The following LGSN variants were observed in gnomAD, a reference collection of about 807,000 sequenced individuals.
The protein encoded by LGSN is lengsin.
A neutral mutation model predicts 19.5 loss-of-function variants in LGSN; 21 were observed. That is an observed-to-expected ratio of 1.07 (90% CI 0.76 to 1.55). The LOEUF (loss-of-function observed/expected upper bound fraction) is 1.55, where lower values mean the gene tolerates loss of function less well. Among genes scored for constraint, LGSN ranks in the 40% most tolerant of loss-of-function variants. The probability of loss-of-function intolerance (pLI) is 0.00; values close to 1 mark genes in which losing one functional copy is unlikely to be tolerated. For synonymous variants in LGSN, 257 were observed against 215.6 expected, an observed-to-expected ratio of 1.19 and a Z score of -1.68; for missense variants, 673 against 608.5, an observed-to-expected ratio of 1.11 and a Z score of -1.12.
the LGSN span, among the ~76,000 whole-genome samples, chr6:63,466,194 C>G: frequency 6.6e-6 from 1 of 152,168 alleles, no homozygotes; most frequent in African/African-American, 2.4e-5. Flanking sequence ...GCCACCATGC[C>G]CAGCCAAGAC....
chr6:63,467,529 A>G, the LGSN span, among the ~76,000 whole-genome samples: 55 of 152,296 alleles, frequency 3.6e-4, no homozygotes, highest in East Asian at 5.4e-3. Flanking sequence ...GGTTTCTCCT[A>G]AGGCCTGTCT....
At chr6:63,390,332 G>T in the LGSN span, among the ~76,000 whole-genome samples, 3 of 151,216 alleles carry the variant, frequency 2.0e-5, no homozygotes, top group Non-Finnish European at 4.4e-5. Flanking sequence ...TTTTCACCAT[G>T]TTGGCCAGGC....
At chr6:63,555,700 T>C in the LGSN span, among the ~76,000 whole-genome samples, 3 of 151,442 alleles carry the variant, frequency 2.0e-5, no homozygotes, top group Admixed American at 2.0e-4. Context: ...CTCTTTTTTT[T>C]TTTTTTTTTT....
the LGSN span, among the ~76,000 whole-genome samples, chr6:63,491,848 T>C: frequency 1.3e-5 from 2 of 152,080 alleles, no homozygotes; most frequent in Non-Finnish European, 2.9e-5. Flanking sequence ...CTGGCCATGG[T>C]GAAACCCCGT....
At chr6:63,415,609 C>A in the LGSN span, among the ~76,000 whole-genome samples, 1 of 152,208 alleles carries the variant, frequency 6.6e-6, no homozygotes, top group Non-Finnish European at 1.5e-5. Context: ...CCTGGTCTCT[C>A]CCTTGACTCG....
At chr6:63,376,649 T>C in the LGSN span, among the ~76,000 whole-genome samples, 1 of 152,230 alleles carries the variant, frequency 6.6e-6, no homozygotes, top group Non-Finnish European at 1.5e-5. Flanking sequence ...GACTGCCTCT[T>C]ACCTGAGCCC....
At chr6:63,400,976 A>G in the LGSN span, among the ~76,000 whole-genome samples, 1 of 152,200 alleles carries the variant, frequency 6.6e-6, no homozygotes, top group Non-Finnish European at 1.5e-5. Context: ...CCTGGATGAC[A>G]AGAGCAAGAC....
the LGSN span, among the ~76,000 whole-genome samples, chr6:63,423,211 T>G: frequency 3.9e-5 from 6 of 152,150 alleles, no homozygotes; most frequent in Non-Finnish European, 5.9e-5. Context: ...CCAGGAGCAG[T>G]GGTGCCAATC....
At chr6:63,566,217 C>T in the LGSN span, among the ~76,000 whole-genome samples, 4 of 152,178 alleles carry the variant, frequency 2.6e-5, no homozygotes, top group Non-Finnish European at 4.4e-5. Context: ...TCAAAGAAAG[C>T]AGCTCTAAAT....
the LGSN span, among the ~76,000 whole-genome samples, chr6:63,389,304 C>T: frequency 6.6e-6 from 1 of 152,160 alleles, no homozygotes. Flanking sequence ...AGAAAAGAAG[C>T]TTACCTTACA....
chr6:63,554,137 T>C, the LGSN span, among the ~76,000 whole-genome samples: 1 of 152,210 alleles, frequency 6.6e-6, no homozygotes, highest in South Asian at 2.1e-4. Context: ...GGTAGCCTCC[T>C]CTCAGAGGCA....
the LGSN span, among the ~76,000 whole-genome samples, chr6:63,569,530 C>G: frequency 6.6e-6 from 1 of 152,228 alleles, no homozygotes; most frequent in African/African-American, 2.4e-5. Context: ...TCCCAAAGTA[C>G]TGGGATTACA....
At chr6:63,437,835 C>A in the LGSN span, among the ~76,000 whole-genome samples, 1 of 152,090 alleles carries the variant, frequency 6.6e-6, no homozygotes, top group African/African-American at 2.4e-5. Flanking sequence ...GAGGCTGAGG[C>A]AGGAGAATCC....
chr6:63,550,047 G>C, the LGSN span, among the ~76,000 whole-genome samples: 1 of 152,072 alleles, frequency 6.6e-6, no homozygotes, highest in African/African-American at 2.4e-5. Context: ...TGTTATACGT[G>C]TCATATCACT....
the LGSN span, among the ~76,000 whole-genome samples, chr6:63,340,086 T>A: frequency 6.6e-6 from 1 of 152,286 alleles, no homozygotes; most frequent in South Asian, 2.1e-4. Context: ...GCACTTTGAA[T>A]ATATCAACTC....
chr6:63,357,872 A>T, the LGSN span, among the ~76,000 whole-genome samples: 53 of 152,078 alleles, frequency 3.5e-4, no homozygotes, highest in East Asian at 7.7e-4. Context: ...TTTTGTTGCC[A>T]TTGCTTTTGG....
the LGSN span, among the ~76,000 whole-genome samples, chr6:63,465,731 C>T: frequency 6.6e-6 from 1 of 152,124 alleles, no homozygotes; most frequent in African/African-American, 2.4e-5. Flanking sequence ...ATTAAACTTT[C>T]ACCAGCACAC....
At chr6:63,291,724 C>A (rs1220194830) in intron 2 of LGSN, among the ~76,000 whole-genome samples, 1 of 152,170 alleles carries the variant, frequency 6.6e-6, no homozygotes, top group Admixed American at 6.5e-5. Flanking sequence ...CAGGGGACTG[C>A]CCTCTTCTAT....
chr6:63,486,310 G>A, the LGSN span, among the ~76,000 whole-genome samples: 3 of 152,098 alleles, frequency 2.0e-5, no homozygotes, highest in Admixed American at 6.6e-5. Flanking sequence ...TAAGGAACTC[G>A]TGATCAACAT....
Sources: gnomAD v4.1 joint callset for allele counts (sites outside exome capture counted in the v4.1 genomes callset) on GRCh38, gnomAD v4.1.1 for gene constraint, MANE v1.5 for transcripts, NCBI Gene and HGNC (gene_info 2026-07-23, HGNC 2026-07-21) for gene names.